Variants in PEAR1 observed in about 807,000 individuals in gnomAD.
PEAR1 encodes platelet endothelial aggregation receptor 1, also known as multiple EGF-like domains protein 12.
In PEAR1, 113 loss-of-function variants were observed where a neutral mutation model predicts 131.2. The ratio of observed to expected loss-of-function variants is 0.86; its 90% CI spans 0.74 to 1.01. PEAR1 has a LOEUF of 1.01. Among genes scored for constraint, PEAR1 ranks in the 50% least tolerant of loss-of-function variants. The probability of loss-of-function intolerance (pLI) is 0.00; values close to 1 mark genes in which losing one functional copy is unlikely to be tolerated. For missense variants in PEAR1, 1,408 were observed against 1,391.1 expected (o/e 1.01, Z -0.19); for synonymous variants, 565 against 523.3 (o/e 1.08, Z -1.09).
intron 4 of PEAR1, among the ~76,000 whole-genome samples, chr1:156,906,030 C>T (rs1650262968): frequency 6.6e-6 from 1 of 152,198 alleles, no homozygotes; most frequent in Non-Finnish European, 1.5e-5. Flanking sequence ...GGATCTCCCC[C>T]AAAGCATTTT....
At chr1:156,900,823 G>A (rs943549) in intron 1 of PEAR1, among the ~76,000 whole-genome samples, 87,543 of 151,958 alleles carry the variant, frequency 0.58, 30,508 homozygotes, top group Non-Finnish European at 0.79. Context: ...GGCCCCCAGG[G>A]CAGAGCAGGG....
rs1650578648 is a variant in PEAR1, at chr1:156,908,141, T to A, written c.916T>A (p.Cys306Ser). 4.4e-6 allele frequency: 7 copies of A among 1,597,494 alleles called. No homozygotes were observed. The highest frequency in any genetic ancestry group is 5.1e-6 in the Non-Finnish European group (6 of 1,173,054). ...GYTGDRCREE[C>S]PVGRFGQDCA... ...CTAGGTGCCCAGGTGCCGGGAGGAG[T>A]GCCCGGTGGGCCGCTTTGGGCAGGA... Residue 306 changes from cysteine (C) to serine (S), a missense_variant, in exon 9 of 23, where the codon TGC becomes AGC. By Grantham distance (112) the Cys-to-Ser change is moderately radical (BLOSUM62 -1). Coordinates refer to ENST00000292357, the MANE Select transcript of PEAR1 (RefSeq NM_001080471.3). This position sits in a 1 kb window ranked among gnomAD's most constrained non-coding sequence, Gnocchi z 4.2.
rs900567200 is a variant in PEAR1, at chr1:156,912,233, C to G, written c.1952-14C>G. On this transcript the variant is annotated splice_polypyrimidine_tract_variant and intron_variant, in intron 15 of 22. Coordinates refer to ENST00000292357, the MANE Select transcript of PEAR1 (RefSeq NM_001080471.3). ...TGTACCTGCCCCACCAGACAGGCCCCATGTCTCCCGTAGCATGCCCTCCAG... is the reference window on the plus strand; with the variant it reads ...TGTACCTGCCCCACCAGACAGGCCCGATGTCTCCCGTAGCATGCCCTCCAG... The G allele has an allele frequency of 2.5e-6, 4 of 1,605,176 alleles. No individual in the cohort carries two copies. Among genetic ancestry groups the G allele is most frequent in the African/African-American group, 1.3e-5 (1 of 74,674 alleles).
chr1:156,901,009 G>A (rs1339358744), intron 1 of PEAR1, among the ~76,000 whole-genome samples: 1 of 152,120 alleles, frequency 6.6e-6, no homozygotes, highest in Non-Finnish European at 1.5e-5. Flanking sequence ...GCCAGGCTGG[G>A]GCTCTGGGCT....
chr1:156,895,756 G>GA (rs11435759), intron 1 of PEAR1, among the ~76,000 whole-genome samples: 4,368 of 152,162 alleles, frequency 0.029, 240 homozygotes, highest in African/African-American at 0.1. Flanking sequence ...AAAGTCAGAA[G>GA]ACCAAAGAGA....
Position 156,908,338 on chromosome 1 carries a change from C to T in PEAR1, c.1113C>T (p.Leu371=), listed in dbSNP as rs1250150206. 7.2e-6 allele frequency: 11 copies of T among 1,523,550 alleles called. No individual in the cohort carries two copies. Among genetic ancestry groups the T allele is most frequent in the African/African-American group, 1.4e-5 (1 of 73,276 alleles). The allele number at this position is 1,523,550 out of a possible 1,614,324, so 94.4% of individuals were successfully genotyped here. ...GCACCTGCGACCGGGAGCACAGCCT[C>T]AGGTGGGCCGCGGGACATGTGGTCA... ...APCTCDREHS[L]SCHPMNGECS... is the part of the protein sequence containing the mutation. The change falls in exon 9 of 23, where the codon CTC becomes CTT. Residue 371 remains leucine (L), a splice_region_variant and synonymous_variant. Coordinates refer to ENST00000292357, the MANE Select transcript of PEAR1 (RefSeq NM_001080471.3). The surrounding 1 kb of genome is among the most constrained non-coding windows in gnomAD (Gnocchi z 4.2).
At chr1:156,901,244 A>G (rs1473209652) in intron 1 of PEAR1, among the ~76,000 whole-genome samples, 1 of 152,156 alleles carries the variant, frequency 6.6e-6, no homozygotes, top group Non-Finnish European at 1.5e-5. Context: ...CCACCCTTCC[A>G]GCCAGCTAAC....
chr1:156,906,874 G>A lies in PEAR1; in HGVS notation c.638G>A (p.Gly213Glu). 6.2e-7 allele frequency: 1 copy of A among 1,613,906 alleles called. No individual in the cohort carries two copies. The highest frequency in any genetic ancestry group is 1.1e-5 in the South Asian group (1 of 91,076). ...GACFCPAERTGPSCDVSCSQG... is the reference protein window; with the variant it reads ...GACFCPAERTEPSCDVSCSQG... The stretch of plus-strand genomic sequence containing the variant: ...TGCTTCTGCCCCGCAGAGAGAACTG[G>A]GCCCAGGTATGTAATGGGGGGAACG... Residue 213 changes from glycine (G) to glutamate (E), a missense_variant, in exon 6 of 23, where the codon GGG (glycine) becomes GAG (glutamate). Transcript: ENST00000292357.
At position 156,904,124 on chromosome 1, in the gene PEAR1, TCTC is replaced by T. The variant is rs376819476; in HGVS notation, c.101+100_101+102del. The T allele has an allele frequency of 1.2e-3, 1,145 of 919,810 alleles. 5 individuals carry two copies. In the East Asian group the frequency reaches 0.016, roughly 13 times the overall value. The allele number at this position is 919,810 out of a possible 1,614,324, so 57.0% of individuals were successfully genotyped here. On this transcript the variant is annotated intron_variant, in intron 2 of 22. Transcript: ENST00000292357. The stretch of plus-strand genomic sequence containing the variant: ...GGTCCTTTTCTTGGTCCTTCCTTAA[TCTC>T]CTTCCTTCTCTCTAGTCTCTCCCCT...
rs1651746249 is a variant in PEAR1 at position 156,915,103 on chromosome 1, C to G, written c.*305C>G. The stretch of plus-strand genomic sequence containing the variant: ...TGATTTCAGACATGCGTGTGGGGTA[C>G]CTTTTCTGTGCATGCTCAGCCTGGG... On this transcript the variant is annotated 3_prime_UTR_variant, in exon 23 of 23. Coordinates refer to ENST00000292357, the MANE Select transcript of PEAR1 (RefSeq NM_001080471.3). 1 of 323,652 alleles carries G rather than the reference C, an allele frequency of 3.1e-6. No individual in the cohort carries two copies. Among genetic ancestry groups the G allele is most frequent in the Admixed American group, 5.0e-5 (1 of 20,044 alleles). The allele number at this position is 323,652 out of a possible 1,614,324, so 20.0% of individuals were successfully genotyped here. A position where few individuals can be genotyped will look rare whatever the true frequency, so the allele number is the denominator to read the frequency against.
In PEAR1 at chr1:156,914,922, G is replaced by A. The variant is rs148183284; in HGVS notation, c.*124G>A. On this transcript the variant is annotated 3_prime_UTR_variant, in exon 23 of 23. Transcript: ENST00000292357. ...CCGGCAGGCTGTGAACATGAACAAC[G>A]CTTAACAGAGCAAGTGATGGGAGCC... The A allele has an allele frequency of 2.2e-3, 2,268 of 1,047,004 alleles. 31 individuals carry two copies. In the African/African-American group the frequency reaches 0.03, roughly 14 times the overall value. The allele number at this position is 1,047,004 out of a possible 1,614,324, so 64.9% of individuals were successfully genotyped here. A position where few individuals can be genotyped will look rare whatever the true frequency, so the allele number is the denominator to read the frequency against.
chr1:156,916,224 A>G lies in PEAR1; in HGVS notation c.*1426A>G, dbSNP rs1438352427. The G allele has an allele frequency of 6.6e-6, 1 of 152,228 alleles. No homozygotes were observed. Among genetic ancestry groups the G allele is most frequent in the Non-Finnish European group, 1.5e-5 (1 of 68,038 alleles). The allele number at this position is 152,228 out of a possible 1,614,324, so 9.4% of individuals were successfully genotyped here. On this transcript the variant is annotated 3_prime_UTR_variant, in exon 23 of 23. Transcript: ENST00000292357. ...TTTGTGTCAACACTGCTTTAAGCAAATCTGTTGGCACCATTTTTCCAATAG... is the reference window on the plus strand; with the variant it reads ...TTTGTGTCAACACTGCTTTAAGCAAGTCTGTTGGCACCATTTTTCCAATAG...
Position 156,904,861 on chromosome 1 carries a change from T to C in PEAR1, c.206+9T>C. On this transcript the variant is annotated intron_variant, in intron 3 of 22. Transcript: ENST00000292357. ...ACTTGCCCCCAGCCCACGTGAGTGC[T>C]CCTCATCCTCCATGGGTGGATGGGC... is the stretch of plus-strand genomic sequence containing the variant. The C allele has an allele frequency of 6.2e-7, 1 of 1,613,876 alleles. No individual in the cohort carries two copies. The highest frequency in any genetic ancestry group is 8.5e-7 in the Non-Finnish European group (1 of 1,179,862).
chr1:156,904,240 C>T lies in PEAR1; in HGVS notation c.101+213C>T, dbSNP rs373365261. Reference sequence around the variant, plus strand: ...CCCATTTCTGACCTTGTCTCAGTCTCTGAACCATCCTTTCTCTTTCCCCGT... The same window carrying T: ...CCCATTTCTGACCTTGTCTCAGTCTTTGAACCATCCTTTCTCTTTCCCCGT... On this transcript the variant is annotated intron_variant, in intron 2 of 22. Transcript: ENST00000292357. Among the ~76,000 whole-genome samples, 36 of 152,292 alleles carry T rather than the reference C, an allele frequency of 2.4e-4. No homozygotes were observed. The East Asian group carries it at 4.4e-3, about 19-fold the overall frequency.
Position 156,905,328 on chromosome 1 carries a change from G to A in PEAR1, c.211G>A (p.Val71Ile). The A allele has an allele frequency of 6.2e-7, 1 of 1,611,586 alleles. No individual in the cohort carries two copies. ...CCGCCTTCCTGGCCTCCGCAGGGTTGTATACCGGACCGTGTACCGTCAGGT... is the reference window on the plus strand; with the variant it reads ...CCGCCTTCCTGGCCTCCGCAGGGTTATATACCGGACCGTGTACCGTCAGGT... ...GPHTCPQPTV[V>I]YRTVYRQVVK... is the part of the protein sequence containing the mutation. Residue 71 changes from valine to isoleucine, a missense_variant, in exon 4 of 23, where the codon GTA (valine) becomes ATA (isoleucine). By Grantham distance (29) the Val-to-Ile change is conservative. Transcript: ENST00000292357.
chr1:156,895,818 C>T (rs1433106276), intron 1 of PEAR1, among the ~76,000 whole-genome samples: 2 of 152,220 alleles, frequency 1.3e-5, no homozygotes, highest in African/African-American at 4.8e-5. Context: ...AGGTGGCTCA[C>T]GCCGGTAATC....
chr1:156,908,469 C>T lies in PEAR1; in HGVS notation c.1115+129C>T. The stretch of plus-strand genomic sequence containing the variant: ...CACAGAAGGGGAAAGGGAGGGACCT[C>T]AGGGGCCGGGAGGGGCCTGGGGTAC... On this transcript the variant is annotated intron_variant, in intron 9 of 22. Transcript: ENST00000292357. This position sits in a 1 kb window ranked among gnomAD's most constrained non-coding sequence, Gnocchi z 4.2. 7.8e-7 allele frequency: 1 copy of T among 1,283,340 alleles called. No individual in the cohort carries two copies. The highest frequency in any genetic ancestry group is 1.6e-5 in the South Asian group (1 of 63,906). 79.5% of individuals were successfully genotyped at this position (1,283,340 alleles called of 1,614,324 possible). A position where few individuals can be genotyped will look rare whatever the true frequency, so the allele number is the denominator to read the frequency against.
intron 2 of PEAR1, among the ~76,000 whole-genome samples, chr1:156,904,426 G>T (rs539085102): frequency 6.6e-6 from 1 of 152,130 alleles, no homozygotes; most frequent in Non-Finnish European, 1.5e-5. Context: ...GCCCATCGCC[G>T]CCAGCTGGGC....
At chr1:156,905,062 A>C in intron 3 of PEAR1, 2 of 1,348,110 alleles carry the variant, frequency 1.5e-6, no homozygotes, top group Non-Finnish European at 2.1e-6. Flanking sequence ...CATGCATGTT[A>C]CAGTATATGC....
Sources: gnomAD v4.1 joint callset for allele counts (sites outside exome capture counted in the v4.1 genomes callset) on GRCh38, gnomAD v4.1.1 for gene constraint, Gnocchi (gnomAD v3.1) non-coding constraint, MANE v1.5 for transcripts, NCBI Gene and HGNC (gene_info 2026-07-23, HGNC 2026-07-21) for gene names.